Variants in HDAC9 observed in about 807,000 individuals in gnomAD.
HDAC9 encodes histone deacetylase 9.
A neutral mutation model predicts 139.4 loss-of-function variants in HDAC9; 41 were observed. The observed-to-expected ratio is 0.29, with a 90% CI of 0.23 to 0.38. HDAC9 has a LOEUF of 0.38. Ranked by LOEUF, HDAC9 falls within the 10% of genes least tolerant of loss-of-function variation. The pLI, the probability that HDAC9 is intolerant of heterozygous loss-of-function variation, is 1.00. For synonymous variants in HDAC9, 517 were observed against 476.2 expected, an observed-to-expected ratio of 1.09 and a Z score of -1.12; for missense variants, 1,147 against 1,297.0, an observed-to-expected ratio of 0.88 and a Z score of 1.78.
At chr7:18,613,437 A>G (rs1044424910) in intron 6 of HDAC9, among the ~76,000 whole-genome samples, 3 of 152,072 alleles carry the variant, frequency 2.0e-5, no homozygotes, top group Non-Finnish European at 2.9e-5. Flanking sequence ...TTTTGCTTTC[A>G]AGGAGCTCAG....
intron 2 of HDAC9, among the ~76,000 whole-genome samples, chr7:18,555,159 C>T (rs1312405904): frequency 6.6e-6 from 1 of 152,186 alleles, no homozygotes; most frequent in African/African-American, 2.4e-5. Flanking sequence ...TTATGCCCCA[C>T]TGTTGGAAAT....
chr7:18,795,257 T>TAAAA (rs5882676), intron 17 of HDAC9, among the ~76,000 whole-genome samples: 7 of 65,482 alleles, frequency 1.1e-4, no homozygotes, highest in African/African-American at 2.1e-4. Flanking sequence ...AAGAAAACAG[T>TAAAA]AAAAAAAAAA....
At chr7:18,756,677 T>C (rs573689131) in intron 14 of HDAC9, among the ~76,000 whole-genome samples, 3 of 152,340 alleles carry the variant, frequency 2.0e-5, no homozygotes, top group Admixed American at 6.5e-5. Context: ...ATCTTTATGT[T>C]CATAGATGAA....
chr7:18,153,572 C>T (rs1179113396), intron 1 of HDAC9, among the ~76,000 whole-genome samples: 1 of 152,128 alleles, frequency 6.6e-6, no homozygotes, highest in African/African-American at 2.4e-5. Context: ...CTCATCTGCC[C>T]TGCAGAAAAA....
At chr7:18,987,497 A>G (rs1437974053) in intron 25 of HDAC9, among the ~76,000 whole-genome samples, 2 of 152,342 alleles carry the variant, frequency 1.3e-5, no homozygotes, top group East Asian at 1.9e-4. Flanking sequence ...TTTTGCATCA[A>G]TGTTCATCAA....
At chr7:18,492,659 G>T (rs1466414518), upstream of HDAC9, among the ~76,000 whole-genome samples, 1 of 151,866 alleles carries the variant, frequency 6.6e-6, no homozygotes, top group Non-Finnish European at 1.5e-5. Flanking sequence ...CCTGACATTT[G>T]TATTAGCTTG....
chr7:18,925,939 T>C (rs1804185376), intron 22 of HDAC9, among the ~76,000 whole-genome samples: 1 of 152,034 alleles, frequency 6.6e-6, no homozygotes, highest in Admixed American at 6.6e-5. Context: ...AATTGCTCTC[T>C]GGTATCACTA....
chr7:18,978,947 T>TG (rs985403318), intron 25 of HDAC9, among the ~76,000 whole-genome samples: 3 of 151,816 alleles, frequency 2.0e-5, no homozygotes, highest in Non-Finnish European at 4.4e-5. Flanking sequence ...TGTGTGTGTG[T>TG]GTTTTTTTTT....
intron 2 of HDAC9, among the ~76,000 whole-genome samples, chr7:18,528,167 G>A (rs962410021): frequency 1.3e-5 from 2 of 151,160 alleles, no homozygotes; most frequent in African/African-American, 4.8e-5. Context: ...AAGTAAAAAA[G>A]TAAGCCAGGT....
chr7:18,702,694 G>C (rs551777226), intron 12 of HDAC9, among the ~76,000 whole-genome samples: 1 of 152,168 alleles, frequency 6.6e-6, no homozygotes, highest in Admixed American at 6.5e-5. Flanking sequence ...TCGGAAATCT[G>C]CATAGTAACA....
chr7:18,106,487 C>T (rs973426779), intron 1 of HDAC9, among the ~76,000 whole-genome samples: 1 of 152,014 alleles, frequency 6.6e-6, no homozygotes, highest in Admixed American at 6.6e-5. Context: ...GAGTCCCACT[C>T]TGTCTCCCAG....
At chr7:18,374,937 T>C (rs926044049) in intron 1 of HDAC9, among the ~76,000 whole-genome samples, 2 of 152,150 alleles carry the variant, frequency 1.3e-5, no homozygotes, top group Admixed American at 6.5e-5. Flanking sequence ...TTTTTGGTGA[T>C]GGTGGTGTAA....
chr7:18,721,150 G>T (rs1041928411), intron 12 of HDAC9, among the ~76,000 whole-genome samples: 2 of 151,716 alleles, frequency 1.3e-5, no homozygotes, highest in African/African-American at 4.8e-5. Flanking sequence ...TTCTATTTTT[G>T]AAAAATTATT....
intron 16 of HDAC9, among the ~76,000 whole-genome samples, chr7:18,768,151 G>A (rs967938798): frequency 2.9e-4 from 44 of 152,120 alleles, no homozygotes; most frequent in Non-Finnish European, 1.0e-4. Flanking sequence ...CGACAAACAA[G>A]TTCCAAAACA....
chr7:18,255,480 A>G (rs1795170383), intron 2 of HDAC9, among the ~76,000 whole-genome samples: 1 of 152,174 alleles, frequency 6.6e-6, no homozygotes, highest in African/African-American at 2.4e-5. Flanking sequence ...ATTTGCCTGG[A>G]GAATTAAATA....
chr7:18,496,456 G>A (rs770852237), intron 2 of HDAC9, 132 bp downstream of exon 2: 9 of 736,184 alleles, frequency 1.2e-5, no homozygotes, highest in Admixed American at 2.4e-5. Flanking sequence ...TTCTTGGTGC[G>A]TCTGTAGGGT....
intron 15 of HDAC9, among the ~76,000 whole-genome samples, chr7:18,762,965 C>T (rs1003425283): frequency 3.9e-5 from 6 of 151,952 alleles, no homozygotes; most frequent in African/African-American, 1.2e-4. Context: ...TAGTGACAAT[C>T]CTTATTTTAG....
chr7:18,131,618 G>A (rs1176810340), intron 1 of HDAC9, among the ~76,000 whole-genome samples: 9 of 152,172 alleles, frequency 5.9e-5, no homozygotes, highest in Admixed American at 5.9e-4. Context: ...AGGCAGAAAA[G>A]GAAGAGTCAG....
intron 11 of HDAC9, among the ~76,000 whole-genome samples, chr7:18,650,385 T>A (rs1788866464): frequency 6.6e-6 from 1 of 152,176 alleles, no homozygotes; most frequent in Admixed American, 6.6e-5. Flanking sequence ...ATGTATATAT[T>A]TTACTATGGT....
Sources: allele counts gnomAD v4.1 joint callset (sites outside exome capture counted in the v4.1 genomes callset), GRCh38; gene constraint gnomAD v4.1.1; transcripts MANE v1.5; gene names NCBI Gene and HGNC (gene_info 2026-07-23, HGNC 2026-07-21).